Variants in MGAT4C observed in about 807,000 individuals in gnomAD.
MGAT4C encodes MGAT4 family member C.
MGAT4C carries 19 observed loss-of-function variants against 40.1 expected under a neutral mutation model. That is an observed-to-expected ratio of 0.47 (90% CI 0.33 to 0.70). MGAT4C has a LOEUF of 0.70. MGAT4C is among the 30% of genes least tolerant of loss of function. The pLI is 0.02. For missense variants in MGAT4C, 491 were observed against 563.2 expected, an observed-to-expected ratio of 0.87 and a Z score of 1.30; for synonymous variants, 181 against 187.1, an observed-to-expected ratio of 0.97 and a Z score of 0.27.
chr12:86,555,572 A>G (rs1959568622), intron 2 of MGAT4C, among the ~76,000 whole-genome samples: 1 of 152,254 alleles, frequency 6.6e-6, no homozygotes. Flanking sequence ...CATGGCTTGG[A>G]TAGAATCCAG....
chr12:86,295,204 T>C (rs1953632256), intron 4 of MGAT4C, among the ~76,000 whole-genome samples: 2 of 152,232 alleles, frequency 1.3e-5, no homozygotes, highest in Non-Finnish European at 2.9e-5. Context: ...TATTTCATTA[T>C]TAAACATGGA....
At chr12:86,346,212 G>GT (rs1491415528) in intron 3 of MGAT4C, among the ~76,000 whole-genome samples, 9 of 151,968 alleles carry the variant, frequency 5.9e-5, no homozygotes, top group African/African-American at 1.9e-4. Context: ...ATACTAGGTA[G>GT]TTTTTTTGTT....
At chr12:86,785,963 G>A (rs895519850) in intron 1 of MGAT4C, among the ~76,000 whole-genome samples, 5 of 151,868 alleles carry the variant, frequency 3.3e-5, no homozygotes, top group Non-Finnish European at 2.9e-5. Context: ...TTCTTGGGTC[G>A]TTAAGCAAAA....
In MGAT4C at chr12:85,960,055, G is replaced by A. The variant is rs1385960728; in HGVS notation, c.*19234C>T. The A allele has an allele frequency of 6.6e-6, 1 of 151,812 alleles. No homozygotes were observed. Among genetic ancestry groups the A allele is most frequent in the African/African-American group, 2.4e-5 (1 of 41,366 alleles). The allele number at this position is 151,812 out of a possible 1,614,324, so 9.4% of individuals were successfully genotyped here. A position where few individuals can be genotyped will look rare whatever the true frequency, so the allele number is the denominator to read the frequency against. ...TCGGTATTAAAGAAAATTGTTGCAC[G>A]GACTACATTGATTAGAGTCTAATTT... On this transcript the variant is annotated 3_prime_UTR_variant, in exon 5 of 5. Transcript: ENST00000611864.
At chr12:86,724,279 A>T (rs1192765746) in intron 2 of MGAT4C, among the ~76,000 whole-genome samples, 1 of 152,164 alleles carries the variant, frequency 6.6e-6, no homozygotes, top group African/African-American at 2.4e-5. Context: ...CTATTTAATG[A>T]TCTCCTCAGC....
At chr12:86,528,044 TATC>T (rs1479757522) in intron 2 of MGAT4C, among the ~76,000 whole-genome samples, 1 of 152,314 alleles carries the variant, frequency 6.6e-6, no homozygotes, top group Non-Finnish European at 1.5e-5. Context: ...GTATATATCT[TATC>T]ATGTGTGAAT....
chr12:86,174,383 G>A (rs1017725985), intron 1 of MGAT4C, among the ~76,000 whole-genome samples: 15 of 152,070 alleles, frequency 9.9e-5, no homozygotes, highest in African/African-American at 3.6e-4. Flanking sequence ...AATTGCGCAA[G>A]TGATGGAAGC....
intron 2 of MGAT4C, among the ~76,000 whole-genome samples, chr12:86,026,593 C>T (rs1376826490): frequency 6.6e-6 from 1 of 151,792 alleles, no homozygotes; most frequent in Non-Finnish European, 1.5e-5. Flanking sequence ...ATCTTTGTGC[C>T]TAATTTTTTG....
intron 2 of MGAT4C, among the ~76,000 whole-genome samples, chr12:86,571,554 T>C (rs1449894634): frequency 6.6e-6 from 1 of 152,048 alleles, no homozygotes; most frequent in Non-Finnish European, 1.5e-5. Flanking sequence ...AAATCCTTAA[T>C]AGAGTGGAAA....
intron 2 of MGAT4C, among the ~76,000 whole-genome samples, chr12:86,529,600 A>T (rs1446714325): frequency 1.3e-5 from 2 of 152,168 alleles, no homozygotes; most frequent in East Asian, 3.9e-4. Context: ...TATAAGTCCC[A>T]TCATTGATTT....
At position 86,158,988 on chromosome 12, in the gene MGAT4C, T is replaced by C. The variant is rs561808261; in HGVS notation, c.-57+97251A>G. The stretch of plus-strand genomic sequence containing the variant: ...GGATCATATCCTCAGCAAAGAGAGA[T>C]AGTTTGACTTATTTTCCTATTTTGG... On this transcript the variant is annotated intron_variant, in intron 1 of 4. Coordinates refer to ENST00000611864, the MANE Select transcript of MGAT4C (RefSeq NM_001351288.2). 3.3e-5 allele frequency among the ~76,000 whole-genome samples: 5 copies of C among 152,292 alleles called. No individual in the cohort carries two copies. In the South Asian group the frequency reaches 8.3e-4, roughly 25 times the overall value.
At chr12:86,776,621 C>T (rs1028625666) in intron 1 of MGAT4C, among the ~76,000 whole-genome samples, 1 of 152,008 alleles carries the variant, frequency 6.6e-6, no homozygotes, top group Non-Finnish European at 1.5e-5. Flanking sequence ...AATTACTGTA[C>T]TAAATAGAAT....
At chr12:86,675,761 T>C (rs1170973023) in intron 2 of MGAT4C, among the ~76,000 whole-genome samples, 1 of 152,178 alleles carries the variant, frequency 6.6e-6, no homozygotes, top group Non-Finnish European at 1.5e-5. Context: ...TCATATAATA[T>C]GTCATAATGA....
chr12:85,997,228 C>T (rs1039537138), intron 2 of MGAT4C, among the ~76,000 whole-genome samples: 5 of 152,118 alleles, frequency 3.3e-5, no homozygotes, highest in Admixed American at 6.5e-5. Flanking sequence ...TATTTACTAT[C>T]GTGAGAACAG....
chr12:86,591,077 G>A (rs1961310793), intron 2 of MGAT4C, among the ~76,000 whole-genome samples: 1 of 151,842 alleles, frequency 6.6e-6, no homozygotes, highest in Admixed American at 6.6e-5. Context: ...TTCAAAATAG[G>A]GATGGAGAGG....
chr12:85,988,743 G>A (rs547987665), intron 3 of MGAT4C, among the ~76,000 whole-genome samples: 11 of 151,790 alleles, frequency 7.2e-5, no homozygotes, highest in South Asian at 4.2e-4. Context: ...CAGAATAAGC[G>A]CTTTTGCATA....
At chr12:86,233,806 A>AAG (rs1380832921) in intron 1 of MGAT4C, among the ~76,000 whole-genome samples, 2 of 152,206 alleles carry the variant, frequency 1.3e-5, no homozygotes, top group East Asian at 3.8e-4. Flanking sequence ...AAATTGCAGT[A>AAG]AGTATATGTA....
intron 2 of MGAT4C, among the ~76,000 whole-genome samples, chr12:86,010,098 G>T (rs1888304797): frequency 6.6e-6 from 1 of 152,102 alleles, no homozygotes; most frequent in Admixed American, 6.5e-5. Flanking sequence ...GTTATATATT[G>T]TGATAATGTC....
intron 3 of MGAT4C, among the ~76,000 whole-genome samples, chr12:86,376,983 A>G (rs899022657): frequency 2.6e-5 from 4 of 151,442 alleles, no homozygotes; most frequent in Non-Finnish European, 4.4e-5. Context: ...CTTCATTTTC[A>G]TATTTTTCTA....
Sources: allele counts gnomAD v4.1 joint callset (sites outside exome capture counted in the v4.1 genomes callset), GRCh38; gene constraint gnomAD v4.1.1; transcripts MANE v1.5; gene names NCBI Gene and HGNC (gene_info 2026-07-23, HGNC 2026-07-21).